Variants in EXOC6B observed in about 807,000 individuals in gnomAD.
The protein encoded by EXOC6B is exocyst complex component 6B.
In EXOC6B, 54 loss-of-function variants were observed where a neutral mutation model predicts 113.5. The observed-to-expected ratio is 0.48, with a 90% CI of 0.38 to 0.60. EXOC6B has a LOEUF of 0.60. EXOC6B is among the 20% of genes least tolerant of loss of function. EXOC6B has a pLI of 0.00. For missense variants in EXOC6B, 797 were observed against 977.5 expected, an observed-to-expected ratio of 0.82 and a Z score of 2.46; for synonymous variants, 357 against 339.0, an observed-to-expected ratio of 1.05 and a Z score of -0.58.
chr2:72,780,843 T>C (rs552800184), intron 1 of EXOC6B, among the ~76,000 whole-genome samples: 98 of 152,282 alleles, frequency 6.4e-4, no homozygotes, highest in African/African-American at 2.2e-3. Context: ...TGGCTCAAAT[T>C]ACAGAAAATC....
At chr2:72,234,213 G>A (rs1681816850) in intron 20 of EXOC6B, among the ~76,000 whole-genome samples, 1 of 151,664 alleles carries the variant, frequency 6.6e-6, no homozygotes, top group South Asian at 2.1e-4. Context: ...AGCCTCCTGA[G>A]TAGCTGGGAT....
At chr2:72,408,954 C>G (rs765254594) in intron 18 of EXOC6B, among the ~76,000 whole-genome samples, 1 of 152,048 alleles carries the variant, frequency 6.6e-6, no homozygotes, top group Non-Finnish European at 1.5e-5. Flanking sequence ...AGAAAATTTT[C>G]GCAACCTACT....
chr2:72,571,873 C>A (rs1704533243), intron 7 of EXOC6B, among the ~76,000 whole-genome samples: 1 of 151,982 alleles, frequency 6.6e-6, no homozygotes, highest in Non-Finnish European at 1.5e-5. Context: ...ATTCCATGAT[C>A]TCCTCTTATG....
intron 11 of EXOC6B, among the ~76,000 whole-genome samples, chr2:72,509,000 C>A (rs569788806): frequency 6.6e-6 from 1 of 151,820 alleles, no homozygotes; most frequent in Non-Finnish European, 1.5e-5. Context: ...GCCCCCAAAA[C>A]TCACCTATTA....
At chr2:72,551,229 G>A (rs1193265552) in intron 8 of EXOC6B, among the ~76,000 whole-genome samples, 1 of 151,806 alleles carries the variant, frequency 6.6e-6, no homozygotes. Context: ...CCGGAGTCTC[G>A]CTCTGTCACC....
At chr2:72,416,906 T>G (rs1694560715) in intron 18 of EXOC6B, among the ~76,000 whole-genome samples, 1 of 152,132 alleles carries the variant, frequency 6.6e-6, no homozygotes, top group Non-Finnish European at 1.5e-5. Flanking sequence ...ACTGAATCCC[T>G]GGTGTTTTGG....
At chr2:72,671,122 A>G (rs1431356749) in intron 6 of EXOC6B, among the ~76,000 whole-genome samples, 1 of 152,216 alleles carries the variant, frequency 6.6e-6, no homozygotes, top group Non-Finnish European at 1.5e-5. Context: ...TTTTGTGTAG[A>G]ACCTCAAAAA....
At chr2:72,822,496 T>C (rs1047817229) in intron 1 of EXOC6B, among the ~76,000 whole-genome samples, 1 of 152,002 alleles carries the variant, frequency 6.6e-6, no homozygotes, top group Non-Finnish European at 1.5e-5. Flanking sequence ...GTAATAACAG[T>C]AATATAATGA....
chr2:72,268,033 T>A (rs964160721), intron 20 of EXOC6B, among the ~76,000 whole-genome samples: 3 of 152,186 alleles, frequency 2.0e-5, no homozygotes, highest in Non-Finnish European at 4.4e-5. Flanking sequence ...TGTTTATTAA[T>A]AGAAGAAAAG....
intron 18 of EXOC6B, among the ~76,000 whole-genome samples, chr2:72,413,278 T>C (rs1694303261): frequency 1.3e-5 from 2 of 151,858 alleles, no homozygotes; most frequent in East Asian, 2.0e-4. Context: ...CCTTAAACTT[T>C]AGCATACACC....
At chr2:72,304,360 G>T (rs147335609) in intron 20 of EXOC6B, among the ~76,000 whole-genome samples, 1 of 152,176 alleles carries the variant, frequency 6.6e-6, no homozygotes, top group Non-Finnish European at 1.5e-5. Flanking sequence ...TCAAATAGAA[G>T]ATATCATTTA....
chr2:72,275,010 G>C (rs1684726975), intron 20 of EXOC6B, among the ~76,000 whole-genome samples: 1 of 152,068 alleles, frequency 6.6e-6, no homozygotes, highest in Non-Finnish European at 1.5e-5. Flanking sequence ...GGGATGAGAT[G>C]GATTTTTTTG....
chr2:72,601,112 A>G (rs201065106), intron 6 of EXOC6B, among the ~76,000 whole-genome samples: 153 of 141,678 alleles, frequency 1.1e-3, no homozygotes, highest in African/African-American at 2.9e-3. Context: ...ATATATATAT[A>G]TGTGTGTGTG....
intron 20 of EXOC6B, among the ~76,000 whole-genome samples, chr2:72,278,900 T>C (rs1684957193): frequency 6.6e-6 from 1 of 152,114 alleles, no homozygotes; most frequent in African/African-American, 2.4e-5. Flanking sequence ...GTATTTAATA[T>C]CCACAAGGCT....
intron 8 of EXOC6B, among the ~76,000 whole-genome samples, chr2:72,546,780 A>G (rs1702931510): frequency 6.6e-6 from 1 of 152,224 alleles, no homozygotes; most frequent in South Asian, 2.1e-4. Context: ...TGACACAGAA[A>G]TAAGGTCACT....
chr2:72,322,765 G>A (rs773628106), intron 20 of EXOC6B, among the ~76,000 whole-genome samples: 5 of 152,142 alleles, frequency 3.3e-5, no homozygotes, highest in Non-Finnish European at 7.4e-5. Flanking sequence ...AATAAATGGT[G>A]TTGGGAAAAC....
Position 72,589,018 on chromosome 2 carries a change from CT to C in EXOC6B, c.670-13351del, listed in dbSNP as rs560973296. On this transcript the variant is annotated intron_variant, in intron 6 of 21. Coordinates refer to ENST00000272427, the MANE Select transcript of EXOC6B (RefSeq NM_015189.3). ...GGAAAGTAAAAAATTAAAAGAATTA[CT>C]ATGAAGAAACAAAAGGCAGTGACGC... 1.5e-3 allele frequency among the ~76,000 whole-genome samples: 221 copies of C among 151,920 alleles called. 2 individuals are homozygous for C. Among genetic ancestry groups the C allele is most frequent in the African/African-American group, 5.1e-3 (211 of 41,494 alleles).
rs1349889442 is a variant in EXOC6B at position 72,269,017 on chromosome 2, A to G, written c.2196+65930T>C. Among the ~76,000 whole-genome samples the G allele has an allele frequency of 2.0e-5, 3 of 152,218 alleles. 1 individual carries two copies. Among genetic ancestry groups the G allele is most frequent in the African/African-American group, 7.2e-5 (3 of 41,468 alleles). On this transcript the variant is annotated intron_variant, in intron 20 of 21. Transcript: ENST00000272427. ...CATATATGGCTTAAAAGCATTTAAAAAATCCCAGAAAGATAAATACCAAAT... is the reference window on the plus strand; with the variant it reads ...CATATATGGCTTAAAAGCATTTAAAGAATCCCAGAAAGATAAATACCAAAT...
intron 17 of EXOC6B, among the ~76,000 whole-genome samples, chr2:72,473,433 C>G (rs1698533367): frequency 6.6e-6 from 1 of 151,924 alleles, no homozygotes; most frequent in Admixed American, 6.6e-5. Context: ...ATATAATGAC[C>G]TTATTTGTCT....
Sources: allele counts gnomAD v4.1 joint callset (sites outside exome capture counted in the v4.1 genomes callset), GRCh38; gene constraint gnomAD v4.1.1; transcripts MANE v1.5; gene names NCBI Gene and HGNC (gene_info 2026-07-23, HGNC 2026-07-21).